Variants in MYZAP observed in about 807,000 individuals in gnomAD.
The protein encoded by MYZAP is myocardial zonula adherens protein, also known as GRINL1A complex locus upstream.
A neutral mutation model predicts 69.4 loss-of-function variants in MYZAP; 66 were observed. That is an observed-to-expected ratio of 0.95 (90% CI 0.78 to 1.17). MYZAP has a LOEUF of 1.17. Ranked by LOEUF, MYZAP falls within the 50% of genes most tolerant of loss-of-function variation. MYZAP has a pLI of 0.00. For synonymous variants in MYZAP, 256 were observed against 205.9 expected, an observed-to-expected ratio of 1.24 and a Z score of -2.09; for missense variants, 611 against 556.2, an observed-to-expected ratio of 1.10 and a Z score of -0.99.
At chr15:57,623,014 A>G (rs2035911257) in intron 4 of MYZAP, among the ~76,000 whole-genome samples, 2 of 152,222 alleles carry the variant, frequency 1.3e-5, no homozygotes, top group Admixed American at 1.3e-4. Context: ...AACTCATAAA[A>G]ATAGGTGAAA....
At chr15:57,648,615 A>G (rs1296233564) in intron 10 of MYZAP, 1 of 259,518 alleles carries the variant, frequency 3.9e-6, no homozygotes, top group Non-Finnish European at 6.0e-6. Context: ...ATGGTGCTGC[A>G]CTACAGACCC....
chr15:57,619,224 A>C (rs1011497854), intron 3 of MYZAP, among the ~76,000 whole-genome samples: 1 of 152,272 alleles, frequency 6.6e-6, no homozygotes, highest in African/African-American at 2.4e-5. Context: ...AATTTAAAAA[A>C]TAATAAATGC....
intron 6 of MYZAP, among the ~76,000 whole-genome samples, chr15:57,631,807 G>A (rs536619533): frequency 4.6e-5 from 7 of 152,290 alleles, no homozygotes; most frequent in Non-Finnish European, 8.8e-5. Context: ...TCTGCAATAG[G>A]CGATAACCTG....
chr15:57,606,541 C>T (rs377346394), intron 2 of MYZAP, among the ~76,000 whole-genome samples: 14 of 133,018 alleles, frequency 1.1e-4, no homozygotes, highest in African/African-American at 2.9e-4. Context: ...AGCACATGGA[C>T]GCAGGAAGGG....
At chr15:57,605,904 G>C (rs1460941429) in intron 2 of MYZAP, among the ~76,000 whole-genome samples, 2 of 152,090 alleles carry the variant, frequency 1.3e-5, no homozygotes, top group Non-Finnish European at 2.9e-5. Context: ...AAAGAATAAT[G>C]ACAGTCATGG....
At position 57,680,750 on chromosome 15, in the gene MYZAP, G is replaced by C. The variant is rs186200356; in HGVS notation, c.1305-3652G>C. The C allele has an allele frequency of 2.0e-5, 3 of 152,318 alleles. No homozygotes were observed. The East Asian group carries it at 5.8e-4, about 29-fold the overall frequency. The allele number at this position is 152,318 out of a possible 1,614,324, so 9.4% of individuals were successfully genotyped here. A position where few individuals can be genotyped will look rare whatever the true frequency, so the allele number is the denominator to read the frequency against. On this transcript the variant is annotated intron_variant, in intron 12 of 12. Coordinates refer to ENST00000267853, the MANE Select transcript of MYZAP (RefSeq NM_001018100.5). ...AATTATGTCTTAATAGGTGCAATAT[G>C]ATGAAAAATATTCCCCATGGTCATA... is the stretch of plus-strand genomic sequence containing the variant.
chr15:57,678,409 C>G (rs1206110844), intron 12 of MYZAP, among the ~76,000 whole-genome samples: 3 of 152,118 alleles, frequency 2.0e-5, no homozygotes, highest in African/African-American at 7.2e-5. Context: ...AGCATGGTAA[C>G]TGGACCAGAG....
chr15:57,617,178 C>T (rs1350801027), intron 2 of MYZAP, among the ~76,000 whole-genome samples: 8 of 152,058 alleles, frequency 5.3e-5, no homozygotes, highest in South Asian at 2.1e-4. Flanking sequence ...AGTTGCCTAA[C>T]GTCTCTGAAC....
chr15:57,676,436 G>GTA (rs1244767243), intron 12 of MYZAP, among the ~76,000 whole-genome samples: 2,578 of 19,862 alleles, frequency 0.13, 77 homozygotes, highest in African/African-American at 0.21. Context: ...ATATATATAT[G>GTA]TATATATATA....
chr15:57,676,457 T>TAC (rs1197998212), intron 12 of MYZAP, among the ~76,000 whole-genome samples: 8 of 132,166 alleles, frequency 6.1e-5, no homozygotes, highest in African/African-American at 2.2e-4. Flanking sequence ...TATATATATA[T>TAC]ACATATATAT....
intron 1 of MYZAP, among the ~76,000 whole-genome samples, chr15:57,594,187 C>T (rs2033906270): frequency 6.6e-6 from 1 of 152,210 alleles, no homozygotes; most frequent in African/African-American, 2.4e-5. Context: ...ACGATCTCGG[C>T]TCACTGCAGC....
chr15:57,679,375 T>TGTGTGTGTGTGTGTG (rs1555465672), intron 12 of MYZAP, among the ~76,000 whole-genome samples: 4,862 of 114,818 alleles, frequency 0.042, 120 homozygotes, highest in South Asian at 0.047. Context: ...TGTGTGTGTG[T>TGTGTGTGTGTGTGTG]TTCTCTCTCT....
chr15:57,665,625 A>G (rs1295909495), intron 11 of MYZAP, among the ~76,000 whole-genome samples: 2 of 152,138 alleles, frequency 1.3e-5, no homozygotes, highest in Middle Eastern at 3.2e-3. Flanking sequence ...TTCTTGAGCT[A>G]CGGGTTCAGG....
chr15:57,632,755 A>T lies in MYZAP; in HGVS notation c.804+196A>T, dbSNP rs190820322. 2.9e-3 allele frequency among the ~76,000 whole-genome samples: 434 copies of T among 151,994 alleles called. 15 individuals are homozygous for T. The highest frequency in any genetic ancestry group is 0.027 in the Admixed American group (409 of 15,260). On this transcript the variant is annotated intron_variant, in intron 7 of 12. Coordinates refer to ENST00000267853, the MANE Select transcript of MYZAP (RefSeq NM_001018100.5). Reference sequence around the variant, plus strand: ...TCTGCCTTTATTCATCCCCGTCTCTACTCAGAATAGCCCCTTGTCTCTGTC... The same window carrying T: ...TCTGCCTTTATTCATCCCCGTCTCTTCTCAGAATAGCCCCTTGTCTCTGTC...
intron 10 of MYZAP, chr15:57,647,426 T>A (rs2037498769): frequency 1.0e-6 from 1 of 985,452 alleles, no homozygotes; most frequent in East Asian, 1.1e-4. Flanking sequence ...ATTGCTGTAA[T>A]GTTTTTCTAA....
At chr15:57,600,058 T>C (rs1432716221) in intron 1 of MYZAP, among the ~76,000 whole-genome samples, 3 of 151,638 alleles carry the variant, frequency 2.0e-5, no homozygotes, top group South Asian at 4.2e-4. Flanking sequence ...CTTAAGAATA[T>C]CTTCCGCCTA....
chr15:57,621,704 A>T lies in MYZAP; in HGVS notation c.411+4A>T. On this transcript the variant is annotated splice_donor_region_variant and intron_variant, in intron 4 of 12. Transcript: ENST00000267853. ...ACAGCTCACCCAGGAACTATCAGTA[A>T]GTCATTATCTCAGTTGCTTGGAGAT... is the stretch of plus-strand genomic sequence containing the variant. The T allele has an allele frequency of 6.2e-7, 1 of 1,613,588 alleles. No homozygotes were observed.
intron 8 of MYZAP, among the ~76,000 whole-genome samples, chr15:57,633,956 T>C (rs1187193194): frequency 6.6e-6 from 1 of 152,222 alleles, no homozygotes; most frequent in Non-Finnish European, 1.5e-5. Flanking sequence ...AAATATTACT[T>C]GTGAAATTCT....
At chr15:57,642,224 G>A (rs1283074542) in intron 10 of MYZAP, among the ~76,000 whole-genome samples, 1 of 152,196 alleles carries the variant, frequency 6.6e-6, no homozygotes, top group Non-Finnish European at 1.5e-5. Flanking sequence ...AGGAAGTCTG[G>A]TAACTTCAGT....
Sources: allele counts gnomAD v4.1 joint callset (sites outside exome capture counted in the v4.1 genomes callset), GRCh38; gene constraint gnomAD v4.1.1; transcripts MANE v1.5; gene names NCBI Gene and HGNC (gene_info 2026-07-23, HGNC 2026-07-21).